Variants in ADAMTSL1 observed in about 807,000 individuals in gnomAD.
ADAMTSL1 encodes the protein ADAMTS-like protein 1.
ADAMTSL1 carries 126 observed loss-of-function variants against 201.8 expected under a neutral mutation model. The ratio of observed to expected loss-of-function variants is 0.62; its 90% CI spans 0.54 to 0.72. The LOEUF is 0.72. Among genes scored for constraint, ADAMTSL1 ranks in the 30% least tolerant of loss-of-function variants. The pLI is 0.00. For synonymous variants in ADAMTSL1, 1,121 were observed against 903.4 expected, an observed-to-expected ratio of 1.24 and a Z score of -4.32; for missense variants, 2,679 against 2,277.8, an observed-to-expected ratio of 1.18 and a Z score of -3.59.
At chr9:18,000,606 C>G (rs529505835) in intron 1 of ADAMTSL1, among the ~76,000 whole-genome samples, 1 of 152,150 alleles carries the variant, frequency 6.6e-6, no homozygotes, top group Admixed American at 6.5e-5. Flanking sequence ...GGAAAAACCT[C>G]CTTTGACTCA....
intron 12 of ADAMTSL1, among the ~76,000 whole-genome samples, chr9:18,683,055 T>A (rs138907574): frequency 6.6e-6 from 1 of 152,278 alleles, no homozygotes; most frequent in East Asian, 1.9e-4. Context: ...CTGACTATCG[T>A]CAGTGCCCTC....
At chr9:17,939,842 T>G (rs1248544512) in intron 1 of ADAMTSL1, among the ~76,000 whole-genome samples, 1 of 152,102 alleles carries the variant, frequency 6.6e-6, no homozygotes, top group Non-Finnish European at 1.5e-5. Flanking sequence ...TCTACTATGA[T>G]GAATGTTTTA....
chr9:17,962,657 C>G (rs1005302725), intron 1 of ADAMTSL1, among the ~76,000 whole-genome samples: 2 of 152,184 alleles, frequency 1.3e-5, no homozygotes, highest in African/African-American at 4.8e-5. Flanking sequence ...TGTTTATAAG[C>G]TTCTTTGTGG....
intron 23 of ADAMTSL1, among the ~76,000 whole-genome samples, chr9:18,858,389 G>T (rs1469146755): frequency 6.6e-6 from 1 of 152,032 alleles, no homozygotes; most frequent in Non-Finnish European, 1.5e-5. Flanking sequence ...TTTTCACTCT[G>T]TTCAGCCTCA....
At chr9:18,764,810 C>A (rs1334157739) in intron 16 of ADAMTSL1, among the ~76,000 whole-genome samples, 1 of 152,170 alleles carries the variant, frequency 6.6e-6, no homozygotes, top group African/African-American at 2.4e-5. Context: ...ATGTATACAT[C>A]AAAATTGTAA....
intron 23 of ADAMTSL1, among the ~76,000 whole-genome samples, chr9:18,863,084 G>A (rs1827308602): frequency 2.0e-5 from 3 of 152,150 alleles, no homozygotes; most frequent in Non-Finnish European, 4.4e-5. Flanking sequence ...GGAGAAGCAT[G>A]CTGTTTAACA....
chr9:18,583,169 G>C (rs2132424620), intron 4 of ADAMTSL1, among the ~76,000 whole-genome samples: 1 of 152,318 alleles, frequency 6.6e-6, no homozygotes, highest in Non-Finnish European at 1.5e-5. Flanking sequence ...TTTGGAACTG[G>C]GTAACAGGCA....
intron 2 of ADAMTSL1, among the ~76,000 whole-genome samples, chr9:18,363,409 G>A (rs917354826): frequency 1.3e-5 from 2 of 152,142 alleles, no homozygotes; most frequent in Non-Finnish European, 2.9e-5. Flanking sequence ...TAATTCTTTG[G>A]GAGACAGCAT....
At chr9:18,838,819 T>A (rs1825504930) in intron 23 of ADAMTSL1, among the ~76,000 whole-genome samples, 1 of 150,402 alleles carries the variant, frequency 6.6e-6, no homozygotes, top group Non-Finnish European at 1.5e-5. Flanking sequence ...AATCTGCAAG[T>A]GAGCTATAAT....
intron 2 of ADAMTSL1, among the ~76,000 whole-genome samples, chr9:18,510,853 G>A (rs1215651014): frequency 6.6e-6 from 1 of 151,948 alleles, no homozygotes; most frequent in Admixed American, 6.6e-5. Flanking sequence ...TTGAGAAGCT[G>A]CTCCTCTCTC....
intron 23 of ADAMTSL1, among the ~76,000 whole-genome samples, chr9:18,881,044 A>G (rs1828500790): frequency 6.6e-6 from 1 of 152,190 alleles, no homozygotes. Flanking sequence ...CTCAGCCTTC[A>G]TAGAATTGAA....
chr9:18,578,918 A>G (rs1182485329), intron 4 of ADAMTSL1, among the ~76,000 whole-genome samples: 1 of 150,958 alleles, frequency 6.6e-6, no homozygotes, highest in East Asian at 1.9e-4. Flanking sequence ...AATGATTGCC[A>G]TTCTAACTGG....
intron 1 of ADAMTSL1, among the ~76,000 whole-genome samples, chr9:18,003,946 C>A (rs1819712460): frequency 6.6e-6 from 1 of 151,908 alleles, no homozygotes; most frequent in South Asian, 2.1e-4. Context: ...AAAGAGTCAA[C>A]TATTGAAGTT....
chr9:18,370,443 C>T (rs1253118038), intron 2 of ADAMTSL1, among the ~76,000 whole-genome samples: 3 of 151,028 alleles, frequency 2.0e-5, no homozygotes, highest in African/African-American at 4.9e-5. Flanking sequence ...GCATATGTAC[C>T]CCCCCCGAAT....
chr9:18,579,252 A>G (rs1235000014), intron 4 of ADAMTSL1, among the ~76,000 whole-genome samples: 2 of 149,060 alleles, frequency 1.3e-5, no homozygotes, highest in African/African-American at 4.9e-5. Flanking sequence ...AGAACAAAAA[A>G]CCAAACGCCG....
intron 2 of ADAMTSL1, among the ~76,000 whole-genome samples, chr9:18,359,131 G>A (rs572618710): frequency 6.6e-6 from 1 of 152,244 alleles, no homozygotes; most frequent in East Asian, 1.9e-4. Context: ...TAACATACAG[G>A]CAAACATATA....
At chr9:18,582,867 TA>T (rs1173991420) in intron 4 of ADAMTSL1, among the ~76,000 whole-genome samples, 2 of 144,228 alleles carry the variant, frequency 1.4e-5, no homozygotes, top group Non-Finnish European at 3.0e-5. Context: ...ATAAAATAAA[TA>T]AAATAAAATA....
intron 2 of ADAMTSL1, among the ~76,000 whole-genome samples, chr9:18,283,911 C>T (rs1408926557): frequency 8.0e-5 from 1 of 12,512 alleles, no homozygotes; most frequent in African/African-American, 3.4e-4. Flanking sequence ...GAGCAAGACT[C>T]CGTCTAAAAA....
At chr9:18,400,504 G>A (rs1231859271) in intron 2 of ADAMTSL1, among the ~76,000 whole-genome samples, 2 of 152,126 alleles carry the variant, frequency 1.3e-5, no homozygotes, top group African/African-American at 4.8e-5. Flanking sequence ...GCCATTTATA[G>A]TATTGCTATG....
Sources: gnomAD v4.1 joint callset for allele counts (sites outside exome capture counted in the v4.1 genomes callset) on GRCh38, gnomAD v4.1.1 for gene constraint, MANE v1.5 for transcripts, NCBI Gene and HGNC (gene_info 2026-07-23, HGNC 2026-07-21) for gene names.